The following RNF38 variants were observed in gnomAD, a reference collection of about 807,000 sequenced individuals.
The protein encoded by RNF38 is ring finger protein 38.
Under a neutral mutation model 67.2 loss-of-function variants are expected in RNF38, and 15 were observed. The observed-to-expected ratio is 0.22, with a 90% CI of 0.15 to 0.34. The LOEUF (loss-of-function observed/expected upper bound fraction) is 0.34. RNF38 is among the 10% of genes least tolerant of loss of function. The probability of loss-of-function intolerance (pLI) is 1.00; values close to 1 mark genes in which losing one functional copy is unlikely to be tolerated. For missense variants in RNF38, 524 were observed against 639.9 expected, an observed-to-expected ratio of 0.82 and a Z score of 1.95; for synonymous variants, 220 against 218.8, an observed-to-expected ratio of 1.01 and a Z score of -0.05.
chr9:36,340,280 C>G (rs1832744868), intron 11 of RNF38, among the ~76,000 whole-genome samples: 1 of 152,090 alleles, frequency 6.6e-6, no homozygotes, highest in Non-Finnish European at 1.5e-5. Context: ...CGCCTGGCCG[C>G]CATGAATGAT....
intron 4 of RNF38, among the ~76,000 whole-genome samples, chr9:36,367,012 A>C (rs1835019410): frequency 6.6e-6 from 1 of 152,208 alleles, no homozygotes; most frequent in African/African-American, 2.4e-5. Context: ...ACTTCTGCTC[A>C]GTCTTATCCT....
At chr9:36,364,790 C>A (rs188879006) in intron 4 of RNF38, among the ~76,000 whole-genome samples, 1 of 152,332 alleles carries the variant, frequency 6.6e-6, no homozygotes, top group African/African-American at 2.4e-5. Flanking sequence ...CCCACACCCA[C>A]AGATCCTGAT....
chr9:36,441,656 T>C (rs1839194163), intron 1 of RNF38, among the ~76,000 whole-genome samples: 1 of 152,094 alleles, frequency 6.6e-6, no homozygotes, highest in African/African-American at 2.4e-5. Flanking sequence ...TAATATAATA[T>C]CACCTAGGAT....
At chr9:36,424,358 G>A (rs1432730451) in intron 2 of RNF38, among the ~76,000 whole-genome samples, 1 of 152,150 alleles carries the variant, frequency 6.6e-6, no homozygotes, top group African/African-American at 2.4e-5. Context: ...GAAGCACCAC[G>A]ATGGGGACAG....
intron 1 of RNF38, among the ~76,000 whole-genome samples, chr9:36,399,776 T>TC: frequency 6.6e-6 from 1 of 152,054 alleles, no homozygotes; most frequent in East Asian, 1.9e-4. Context: ...TAAAAGGGAA[T>TC]TTTTTTTAAA....
At chr9:36,483,639 T>C (rs1840332613) in intron 1 of RNF38, among the ~76,000 whole-genome samples, 1 of 152,220 alleles carries the variant, frequency 6.6e-6, no homozygotes, top group Non-Finnish European at 1.5e-5. Flanking sequence ...CTAAAGACCT[T>C]AATCTCTGAC....
rs192202353 is a variant in RNF38 at position 36,455,511 on chromosome 9, G to A, written n.242-30828C>T. ...AAAGTGCACTCATTTAGCTGGACGC[G>A]GTGGCTCACGCCTATAATCCCAGCA... On this transcript the variant is annotated intron_variant and non_coding_transcript_variant, in intron 1 of 3. Coordinates refer to the RNF38 transcript ENST00000488058. Among the ~76,000 whole-genome samples, 4 of 152,106 alleles carry A rather than the reference G, an allele frequency of 2.6e-5. No individual in the cohort carries two copies. The East Asian group carries it at 7.8e-4, about 30-fold the overall frequency.
intron 9 of RNF38, among the ~76,000 whole-genome samples, chr9:36,348,402 G>A (rs1187358939): frequency 6.6e-6 from 1 of 152,130 alleles, no homozygotes; most frequent in Non-Finnish European, 1.5e-5. Context: ...GAGCCTGGGA[G>A]GTTGAGGCTG....
At chr9:36,468,503 T>C (rs933227776) in intron 1 of RNF38, among the ~76,000 whole-genome samples, 3 of 152,144 alleles carry the variant, frequency 2.0e-5, no homozygotes, top group South Asian at 2.1e-4. Flanking sequence ...CAGATTTCTT[T>C]TAACTTTTTA....
chr9:36,450,379 A>C (rs1269272066), intron 1 of RNF38, among the ~76,000 whole-genome samples: 1 of 152,208 alleles, frequency 6.6e-6, no homozygotes, highest in Non-Finnish European at 1.5e-5. Context: ...AAAGGCAGGG[A>C]ACCACTAGTA....
chr9:36,401,378 C>G (rs117369849), upstream of RNF38, among the ~76,000 whole-genome samples: 20 of 148,888 alleles, frequency 1.3e-4, no homozygotes, highest in South Asian at 4.6e-3. Context: ...TAAATTGTTG[C>G]TACTGTTCCG....
intron 1 of RNF38, among the ~76,000 whole-genome samples, chr9:36,455,371 A>G (rs939853275): frequency 6.6e-6 from 1 of 152,064 alleles, no homozygotes; most frequent in Non-Finnish European, 1.5e-5. Flanking sequence ...CTTGTAAATG[A>G]AATATTGTAC....
intron 1 of RNF38, among the ~76,000 whole-genome samples, chr9:36,476,966 T>C (rs1840134218): frequency 6.6e-6 from 1 of 152,128 alleles, no homozygotes; most frequent in African/African-American, 2.4e-5. Flanking sequence ...AAATGCTAAT[T>C]ACAGCAACAA....
intron 1 of RNF38, among the ~76,000 whole-genome samples, chr9:36,451,634 G>T (rs1482715436): frequency 6.7e-6 from 1 of 149,844 alleles, no homozygotes; most frequent in African/African-American, 2.5e-5. Context: ...CCTAATAGCT[G>T]GGATTACAGG....
chr9:36,472,727 A>C (rs1482945840), intron 1 of RNF38, among the ~76,000 whole-genome samples: 1 of 152,334 alleles, frequency 6.6e-6, no homozygotes, highest in Non-Finnish European at 1.5e-5. Flanking sequence ...TTAAGTGCCC[A>C]AACAAGCACT....
chr9:36,388,014 T>A (rs1029463244), intron 2 of RNF38, among the ~76,000 whole-genome samples: 1 of 151,986 alleles, frequency 6.6e-6, no homozygotes, highest in African/African-American at 2.4e-5. Context: ...GATACACTAG[T>A]AGGGATGAAT....
chr9:36,449,091 T>C (rs77317891), intron 1 of RNF38, among the ~76,000 whole-genome samples: 4,863 of 152,246 alleles, frequency 0.032, 242 homozygotes, highest in African/African-American at 0.1. Flanking sequence ...CTACAAATAC[T>C]TGTAACTCTT....
rs560738553 is a variant in RNF38 at position 36,363,353 on chromosome 9, G to C, written c.571-5411C>G. 1.5e-4 allele frequency among the ~76,000 whole-genome samples: 15 copies of C among 100,886 alleles called. 5 individuals are homozygous for C. The highest frequency in any genetic ancestry group is 3.6e-4 in the Non-Finnish European group (14 of 38,722). The allele number at this position is 100,886 out of a possible 152,430, so 66.2% of individuals were successfully genotyped here. A position where few individuals can be genotyped will look rare whatever the true frequency, so the allele number is the denominator to read the frequency against. ...AATTCTCTTGATTACACTAAGAATG[G>C]AATTGCTGGATTACTGGGTAGGTGT... On this transcript the variant is annotated intron_variant, in intron 4 of 11. Transcript: ENST00000259605.
rs748880201 is a variant in RNF38 at position 36,464,166 on chromosome 9, A to AAAAC, written n.241+23138_241+23141dup. 2.5e-4 allele frequency among the ~76,000 whole-genome samples: 38 copies of AAAAC among 151,910 alleles called. No individual in the cohort carries two copies. In the East Asian group the frequency reaches 4.3e-3, roughly 17 times the overall value. ...GCGACAGAGCAAGACTCTGTCTCAAAAAACAAACAAACAAACAAAAAACCA... is the reference window on the plus strand; with the variant it reads ...GCGACAGAGCAAGACTCTGTCTCAAAAAACAAACAAACAAACAAACAAAAAACCA... On this transcript the variant is annotated intron_variant and non_coding_transcript_variant, in intron 1 of 3. Coordinates refer to the RNF38 transcript ENST00000488058.
Sources: gnomAD v4.1 joint callset for allele counts (sites outside exome capture counted in the v4.1 genomes callset) on GRCh38, gnomAD v4.1.1 for gene constraint, MANE v1.5 for transcripts, NCBI Gene and HGNC (gene_info 2026-07-23, HGNC 2026-07-21) for gene names.